TIAM1: variants seen among roughly 807,000 people sequenced by gnomAD.
TIAM1 encodes rho guanine nucleotide exchange factor TIAM1.
TIAM1 carries 65 observed loss-of-function variants against 163.5 expected under a neutral mutation model. The observed-to-expected ratio is 0.40, with a 90% CI of 0.33 to 0.49. The LOEUF is 0.49. Among genes scored for constraint, TIAM1 ranks in the 20% least tolerant of loss-of-function variants. The pLI is 0.77. For synonymous variants in TIAM1, 833 were observed against 810.1 expected (o/e 1.03, Z -0.48); for missense variants, 1,789 against 2,044.7 (o/e 0.87, Z 2.41).
rs1028112495 is a variant in TIAM1 at position 31,404,458 on chromosome 21, G to A, written c.-369+59525C>T. Among the ~76,000 whole-genome samples, 7 of 151,046 alleles carry A rather than the reference G, an allele frequency of 4.6e-5. 2 individuals are homozygous for A. Among genetic ancestry groups the A allele is most frequent in the Non-Finnish European group, 1.5e-5 (1 of 67,970 alleles). On this transcript the variant is annotated intron_variant, in intron 2 of 28. Coordinates refer to the TIAM1 transcript ENST00000286827. ...GTTCTGTCCCTCATCAAAAAACACTGGTCAAATCCTACACTAAGTCCTATT... is the reference window on the plus strand; with the variant it reads ...GTTCTGTCCCTCATCAAAAAACACTAGTCAAATCCTACACTAAGTCCTATT...
chr21:31,531,190 T>G (rs571776002), intron 1 of TIAM1, among the ~76,000 whole-genome samples: 8 of 152,258 alleles, frequency 5.3e-5, no homozygotes, highest in African/African-American at 1.9e-4. Context: ...CTTCTCTGAT[T>G]GGAATATCTT....
intron 6 of TIAM1, 51 bp from the exon 7 acceptor site, chr21:31,226,001 A>G (rs2087946173): frequency 3.3e-6 from 5 of 1,536,912 alleles, no homozygotes; most frequent in East Asian, 2.3e-5. Flanking sequence ...TAGGAACTTA[A>G]GAGAAATGAA....
At chr21:31,483,152 A>G (rs1011226651) in intron 1 of TIAM1, among the ~76,000 whole-genome samples, 3 of 152,134 alleles carry the variant, frequency 2.0e-5, no homozygotes, top group African/African-American at 7.2e-5. Context: ...AAAAAAGGAG[A>G]TATTTTATAA....
intron 2 of TIAM1, among the ~76,000 whole-genome samples, chr21:31,386,268 C>T (rs1384248426): frequency 1.3e-5 from 2 of 152,164 alleles, no homozygotes; most frequent in East Asian, 3.9e-4. Flanking sequence ...TGAGGCTCAA[C>T]TCTGCTCCTG....
intron 2 of TIAM1, among the ~76,000 whole-genome samples, chr21:31,294,162 C>T (rs1050325829): frequency 6.6e-6 from 1 of 152,180 alleles, no homozygotes; most frequent in Admixed American, 6.5e-5. Flanking sequence ...GAAAGGCCAG[C>T]AGTGGGGAGG....
chr21:31,312,814 C>A (rs574236860), intron 2 of TIAM1, among the ~76,000 whole-genome samples: 69 of 152,144 alleles, frequency 4.5e-4, no homozygotes, highest in South Asian at 1.2e-3. Flanking sequence ...TGCATTCTCC[C>A]TAAGGGAAGG....
intron 2 of TIAM1, among the ~76,000 whole-genome samples, chr21:31,319,824 G>A (rs1469750402): frequency 6.6e-6 from 1 of 150,598 alleles, no homozygotes; most frequent in Non-Finnish European, 1.5e-5. Flanking sequence ...TTTCTAGTGA[G>A]CATAAGGTGG....
At chr21:31,223,255 T>G (rs752576666) in intron 8 of TIAM1, 151 bp downstream of exon 8, 18 of 801,900 alleles carry the variant, frequency 2.2e-5, no homozygotes, top group African/African-American at 7.0e-5. Context: ...CAGGTTTAAA[T>G]GGAAATTTGC....
At chr21:31,477,224 C>T (rs1236785464) in intron 1 of TIAM1, among the ~76,000 whole-genome samples, 1 of 152,142 alleles carries the variant, frequency 6.6e-6, no homozygotes, top group Non-Finnish European at 1.5e-5. Context: ...GAACTATTTT[C>T]CTCCACAAGC....
chr21:31,154,457 A>AG, intron 16 of TIAM1, 31 bp from the exon 17 acceptor site: 1 of 1,602,432 alleles, frequency 6.2e-7, no homozygotes, highest in Non-Finnish European at 8.5e-7. Context: ...GGGAAGGCAG[A>AG]GGTCATTATC....
intron 2 of TIAM1, among the ~76,000 whole-genome samples, chr21:31,426,368 G>A (rs888069267): frequency 3.3e-5 from 5 of 152,088 alleles, no homozygotes; most frequent in South Asian, 2.1e-4. Flanking sequence ...CTAAGCACAC[G>A]ATGACAAGCC....
At chr21:31,529,806 C>G (rs1016144064) in intron 1 of TIAM1, among the ~76,000 whole-genome samples, 2 of 152,134 alleles carry the variant, frequency 1.3e-5, no homozygotes, top group African/African-American at 2.4e-5. Context: ...TCACCTCATG[C>G]CCCCTTCCTC....
chr21:31,358,036 T>G (rs145843822), intron 2 of TIAM1, among the ~76,000 whole-genome samples: 227 of 152,324 alleles, frequency 1.5e-3, no homozygotes, highest in African/African-American at 5.1e-3. Flanking sequence ...GTAGATCCAC[T>G]GTCCCGATCT....
chr21:31,152,926 T>C (rs986804955), intron 18 of TIAM1, 140 bp downstream of exon 18: 2 of 1,256,966 alleles, frequency 1.6e-6, no homozygotes, highest in Non-Finnish European at 2.2e-6. Context: ...CACCAAAGCT[T>C]AGCAGGCAAT....
intron 1 of TIAM1, among the ~76,000 whole-genome samples, chr21:31,478,890 C>A (rs1299236296): frequency 6.6e-6 from 1 of 152,170 alleles, no homozygotes; most frequent in Non-Finnish European, 1.5e-5. Flanking sequence ...ATGACTACAT[C>A]ACCCAAAAAG....
chr21:31,217,918 A>T (rs2087313467), intron 8 of TIAM1, among the ~76,000 whole-genome samples: 1 of 152,234 alleles, frequency 6.6e-6, no homozygotes, highest in Non-Finnish European at 1.5e-5. Context: ...TGGCAAATTC[A>T]ATCCTTGTTT....
At chr21:31,359,139 C>T (rs556436280) in intron 2 of TIAM1, among the ~76,000 whole-genome samples, 6 of 152,258 alleles carry the variant, frequency 3.9e-5, no homozygotes, top group Admixed American at 2.6e-4. Flanking sequence ...CCCAGAACTG[C>T]CCACCCACCC....
intron 2 of TIAM1, among the ~76,000 whole-genome samples, chr21:31,314,436 C>CA (rs1329650508): frequency 6.6e-6 from 1 of 152,068 alleles, no homozygotes; most frequent in Non-Finnish European, 1.5e-5. Context: ...CCAACATAGT[C>CA]AAAGCATTTA....
chr21:31,447,091 G>A (rs2044653187), intron 2 of TIAM1, among the ~76,000 whole-genome samples: 1 of 151,982 alleles, frequency 6.6e-6, no homozygotes, highest in South Asian at 2.1e-4. Flanking sequence ...AGGATAATAA[G>A]AAAGATAGAA....
Sources: allele counts gnomAD v4.1 joint callset (sites outside exome capture counted in the v4.1 genomes callset), GRCh38; gene constraint gnomAD v4.1.1; transcripts MANE v1.5; gene names NCBI Gene and HGNC (gene_info 2026-07-23, HGNC 2026-07-21).